The following KLRD1 variants were observed in gnomAD, a reference collection of about 807,000 sequenced individuals.
KLRD1 encodes the protein killer cell lectin like receptor D1.
Under a neutral mutation model 22.6 loss-of-function variants are expected in KLRD1, and 21 were observed. That is an observed-to-expected ratio of 0.93 (90% CI 0.66 to 1.34). The LOEUF (loss-of-function observed/expected upper bound fraction) is 1.34, where lower values mean the gene tolerates loss of function less well. Ranked by LOEUF, KLRD1 falls within the 40% of genes most tolerant of loss-of-function variation. The pLI is 0.00. For synonymous variants in KLRD1, 59 were observed against 71.1 expected, an observed-to-expected ratio of 0.83 and a Z score of 0.85; for missense variants, 183 against 208.6, an observed-to-expected ratio of 0.88 and a Z score of 0.76.
chr12:10,295,676 A>G (rs1033000271), intron 1 of KLRD1, among the ~76,000 whole-genome samples: 1 of 152,226 alleles, frequency 6.6e-6, no homozygotes, highest in African/African-American at 2.4e-5. Flanking sequence ...ATAACATTCA[A>G]GAGTTCAGAA....
intron 1 of KLRD1, among the ~76,000 whole-genome samples, chr12:10,268,419 T>C (rs571829239): frequency 6.6e-6 from 1 of 152,320 alleles, no homozygotes; most frequent in South Asian, 2.1e-4. Flanking sequence ...TTTAAAGATA[T>C]CTAAGAAGAA....
At chr12:10,255,978 G>A (rs970769547) in intron 1 of KLRD1, among the ~76,000 whole-genome samples, 1 of 152,014 alleles carries the variant, frequency 6.6e-6, no homozygotes, top group Non-Finnish European at 1.5e-5. Context: ...TTATGTCAAA[G>A]TTTGTTTCAT....
At chr12:10,296,229 A>G (rs1949819875) in intron 1 of KLRD1, among the ~76,000 whole-genome samples, 1 of 152,190 alleles carries the variant, frequency 6.6e-6, no homozygotes, top group South Asian at 2.1e-4. Flanking sequence ...AATAACATAC[A>G]AAGGAGGCCG....
chr12:10,269,411 A>G (rs1949529230), intron 1 of KLRD1, among the ~76,000 whole-genome samples: 2 of 152,170 alleles, frequency 1.3e-5, no homozygotes, highest in African/African-American at 4.8e-5. Context: ...TCAGCCTCCC[A>G]AAGTGCTGGG....
Position 10,309,473 on chromosome 12 carries a change from GA to G in KLRD1, c.98del (p.Asn33IlefsTer6). On this transcript the variant is annotated frameshift_variant, in exon 2 of 6. Coordinates refer to ENST00000336164, the MANE Select transcript of KLRD1 (RefSeq NM_002262.5). LOFTEE classifies it high-confidence loss of function. ...TGATGTCTACGTTGGGAATTTTGTT[GA>G]AAAATTGTAAGTTTTTCTAAGCAAG... ...SLMSTLGILL[K>X]NSFTKLSIEP... The G allele has an allele frequency of 1.3e-6, 2 of 1,499,014 alleles. No individual in the cohort carries two copies. Among genetic ancestry groups the G allele is most frequent in the Non-Finnish European group, 1.9e-6 (2 of 1,075,124 alleles). 92.9% of individuals were successfully genotyped at this position (1,499,014 alleles called of 1,614,324 possible).
At chr12:10,257,695 A>G (rs1378753862) in intron 1 of KLRD1, among the ~76,000 whole-genome samples, 1 of 151,426 alleles carries the variant, frequency 6.6e-6, no homozygotes, top group Non-Finnish European at 1.5e-5. Flanking sequence ...TTGAAGTCTT[A>G]GTCTACTGAT....
chr12:10,241,229 A>G (rs1949238494), intron 1 of KLRD1, among the ~76,000 whole-genome samples: 1 of 152,196 alleles, frequency 6.6e-6, no homozygotes, highest in African/African-American at 2.4e-5. Flanking sequence ...TACTTTCATA[A>G]ATAGCGACTT....
At chr12:10,251,674 C>A (rs899716245) in intron 1 of KLRD1, among the ~76,000 whole-genome samples, 2 of 151,782 alleles carry the variant, frequency 1.3e-5, no homozygotes, top group African/African-American at 4.8e-5. Flanking sequence ...GAGCCCTGAG[C>A]TTATTTTTGT....
chr12:10,242,869 T>C (rs967689491), intron 1 of KLRD1, among the ~76,000 whole-genome samples: 2 of 152,160 alleles, frequency 1.3e-5, no homozygotes, highest in Non-Finnish European at 2.9e-5. Context: ...CAACAGCCAA[T>C]ATATGGAAGC....
intron 3 of KLRD1, among the ~76,000 whole-genome samples, chr12:10,310,340 G>A (rs1038902820): frequency 8.5e-5 from 13 of 152,112 alleles, no homozygotes; most frequent in Admixed American, 3.9e-4. Flanking sequence ...GGCTGGTCTC[G>A]AACTCCTGAC....
intron 1 of KLRD1, among the ~76,000 whole-genome samples, chr12:10,247,089 C>G (rs1395974397): frequency 6.6e-6 from 1 of 151,834 alleles, no homozygotes; most frequent in Non-Finnish European, 1.5e-5. Context: ...TGCACTGCCA[C>G]GCCTGGCTAA....
intron 1 of KLRD1, among the ~76,000 whole-genome samples, chr12:10,246,248 A>AT (rs1949289726): frequency 6.6e-6 from 1 of 151,966 alleles, no homozygotes; most frequent in Non-Finnish European, 1.5e-5. Flanking sequence ...GAATGCAGAA[A>AT]TTGTGGGGAT....
chr12:10,320,238 C>T lies in KLRD1; in HGVS notation c.*5445C>T. On this transcript the variant is annotated 3_prime_UTR_variant, in exon 6 of 6. Coordinates refer to ENST00000336164, the MANE Select transcript of KLRD1 (RefSeq NM_002262.5). ...GCAATAATCAATACATATTTTGGTA[C>T]CAAGAATGAAGTTACTATTATAAAG... 1 of 140,924 alleles carries T rather than the reference C, an allele frequency of 7.1e-6. No individual in the cohort carries two copies. The allele number at this position is 140,924 out of a possible 1,614,324, so 8.7% of individuals were successfully genotyped here. A position where few individuals can be genotyped will look rare whatever the true frequency, so the allele number is the denominator to read the frequency against.
intron 1 of KLRD1, among the ~76,000 whole-genome samples, chr12:10,294,417 GAGA>G (rs1949803907): frequency 2.0e-5 from 3 of 151,998 alleles, no homozygotes; most frequent in Non-Finnish European, 1.5e-5. Flanking sequence ...TCGTTTTTTT[GAGA>G]AGGAGTCTCA....
At position 10,243,631 on chromosome 12, in the gene KLRD1, A is replaced by AAAAAAAAAAAAAAAAAAAAAAAG. The variant is rs771543645; in HGVS notation, c.-101+17400_-101+17401insAAAAAAAAAAAAAAAAAAAAGAA. ...CCAAAAAAAAAAAAAAAAAAAAAAA[A>AAAAAAAAAAAAAAAAAAAAAAAG]AACCGAAATGAAAGATATGGAACAA... is the stretch of plus-strand genomic sequence containing the variant. On this transcript the variant is annotated intron_variant, in intron 1 of 5. Coordinates refer to the KLRD1 transcript ENST00000544747. 2.3e-4 allele frequency among the ~76,000 whole-genome samples: 27 copies of AAAAAAAAAAAAAAAAAAAAAAAG among 118,778 alleles called. 5 individuals are homozygous for AAAAAAAAAAAAAAAAAAAAAAAG. The highest frequency in any genetic ancestry group is 5.9e-4 in the South Asian group (2 of 3,382). 77.9% of individuals were successfully genotyped at this position (118,778 alleles called of 152,430 possible). A position where few individuals can be genotyped will look rare whatever the true frequency, so the allele number is the denominator to read the frequency against.
intron 4 of KLRD1, among the ~76,000 whole-genome samples, chr12:10,312,994 AG>A (rs748967289): frequency 7.2e-4 from 107 of 149,164 alleles, no homozygotes; most frequent in Middle Eastern, 6.9e-3. Flanking sequence ...CTCAACAAAA[AG>A]AAAAAAGAAA....
At chr12:10,296,811 T>C (rs1366592969) in intron 1 of KLRD1, among the ~76,000 whole-genome samples, 2 of 152,162 alleles carry the variant, frequency 1.3e-5, no homozygotes, top group African/African-American at 2.4e-5. Context: ...ATTGCCAGAA[T>C]TGGGATTCAT....
At chr12:10,309,256 G>A in intron 1 of KLRD1, 132 bp from the exon 2 acceptor site, 1 of 594,210 alleles carries the variant, frequency 1.7e-6, no homozygotes, top group Admixed American at 3.0e-5. Context: ...AGTCTTCAGT[G>A]TTTTATTGGC....
chr12:10,304,882 C>T (rs915312370), upstream of KLRD1, among the ~76,000 whole-genome samples: 20 of 152,076 alleles, frequency 1.3e-4, no homozygotes, highest in African/African-American at 4.3e-4. Flanking sequence ...AGGTCAGTAA[C>T]GTCTTTTGTT....
Sources: gnomAD v4.1 joint callset for allele counts (sites outside exome capture counted in the v4.1 genomes callset) on GRCh38, gnomAD v4.1.1 for gene constraint, MANE v1.5 for transcripts, NCBI Gene and HGNC (gene_info 2026-07-23, HGNC 2026-07-21) for gene names.